The following ARHGEF28 variants were observed in gnomAD, a reference collection of about 807,000 sequenced individuals.
ARHGEF28 encodes the protein Rho guanine nucleotide exchange factor 28, also known as 190 kDa guanine nucleotide exchange factor.
In ARHGEF28, 152 loss-of-function variants were observed where a neutral mutation model predicts 206.6. That is an observed-to-expected ratio of 0.74 (90% CI 0.64 to 0.84). The LOEUF is 0.84. ARHGEF28 is among the 40% of genes least tolerant of loss of function. The pLI, the probability that ARHGEF28 is intolerant of heterozygous loss-of-function variation, is 0.00. For synonymous variants in ARHGEF28, 763 were observed against 776.4 expected (o/e 0.98, Z 0.29); for missense variants, 2,028 against 2,073.2 (o/e 0.98, Z 0.42).
intron 6 of ARHGEF28, 117 bp downstream of exon 6, chr5:73,776,813 G>T: frequency 2.3e-6 from 2 of 884,078 alleles, no homozygotes; most frequent in South Asian, 5.8e-5. Flanking sequence ...TGAAACCTTG[G>T]GGGACATGAA....
intron 35 of ARHGEF28, among the ~76,000 whole-genome samples, chr5:73,935,983 T>C (rs1231102485): frequency 6.6e-6 from 1 of 152,132 alleles, no homozygotes; most frequent in East Asian, 1.9e-4. Context: ...GGCCATGGGG[T>C]GCACTGGTGA....
chr5:73,837,832 C>G (rs981206397), intron 10 of ARHGEF28, among the ~76,000 whole-genome samples: 2 of 151,864 alleles, frequency 1.3e-5, no homozygotes, highest in African/African-American at 2.4e-5. Flanking sequence ...ATCTCCACCC[C>G]CCAGGCTCAA....
intron 4 of ARHGEF28, among the ~76,000 whole-genome samples, chr5:73,764,356 T>G (rs1391163845): frequency 6.6e-6 from 1 of 152,226 alleles, no homozygotes; most frequent in Non-Finnish European, 1.5e-5. Flanking sequence ...AATGTGAAGG[T>G]CAAAAATTGA....
rs1755725556 is a variant in ARHGEF28, at chr5:73,809,669, G to T, written c.1024+14278G>T. 3.3e-5 allele frequency among the ~76,000 whole-genome samples: 5 copies of T among 152,188 alleles called. No individual in the cohort carries two copies. In the South Asian group the frequency reaches 1.0e-3, roughly 32 times the overall value. On this transcript the variant is annotated intron_variant, in intron 9 of 35. Coordinates refer to ENST00000513042, the MANE Select transcript of ARHGEF28 (RefSeq NM_001177693.2). ...AAAGGCAGGTTAATGTCTAAATGAA[G>T]ATCAAGGAAAGTTTCCTTTCTGTGT...
At chr5:73,630,770 C>A (rs1049165289) in intron 1 of ARHGEF28, among the ~76,000 whole-genome samples, 1 of 152,196 alleles carries the variant, frequency 6.6e-6, no homozygotes, top group Admixed American at 6.5e-5. Context: ...CCTCTAAGAG[C>A]AACCCATTTT....
At chr5:73,660,290 AT>A (rs1745508855) in intron 1 of ARHGEF28, among the ~76,000 whole-genome samples, 1 of 152,198 alleles carries the variant, frequency 6.6e-6, no homozygotes, top group African/African-American at 2.4e-5. Flanking sequence ...AAGTTTGATC[AT>A]GAGATTGCAG....
chr5:73,739,292 A>C (rs752780634), intron 2 of ARHGEF28, among the ~76,000 whole-genome samples: 3 of 152,252 alleles, frequency 2.0e-5, no homozygotes, highest in Non-Finnish European at 4.4e-5. Flanking sequence ...AATTTGGTAA[A>C]TAATAAATTT....
rs1031257770 is a variant in ARHGEF28 at position 73,941,303 on chromosome 5, A to T, written c.*290A>T. The T allele has an allele frequency of 7.6e-5, 13 of 170,576 alleles. No individual in the cohort carries two copies. Among genetic ancestry groups the T allele is most frequent in the African/African-American group, 2.6e-4 (11 of 41,984 alleles). The allele number at this position is 170,576 out of a possible 1,614,324, so 10.6% of individuals were successfully genotyped here. On this transcript the variant is annotated 3_prime_UTR_variant, in exon 36 of 36. Coordinates refer to ENST00000513042, the MANE Select transcript of ARHGEF28 (RefSeq NM_001177693.2). ...TGTTTTGACGCTAGAGTAAAATTCC[A>T]TGTCACATTTTCTACCCAATCATCT...
rs60086897 is a variant in ARHGEF28 at position 73,910,381 on chromosome 5, C to CAAAAA, written c.4647+505_4647+509dup. Among the ~76,000 whole-genome samples the CAAAAA allele has an allele frequency of 9.1e-3, 282 of 30,886 alleles. 15 individuals are homozygous for CAAAAA. The highest frequency in any genetic ancestry group is 0.024 in the East Asian group (16 of 670). 20.3% of individuals were successfully genotyped at this position (30,886 alleles called of 152,430 possible). On this transcript the variant is annotated intron_variant, in intron 34 of 35. Transcript: ENST00000513042. ...GGGTGACAAAAGTAAAACACCATCT[C>CAAAAA]AAAAAAAAAAAAAAAAAAAAAAAAA...
At chr5:73,636,104 T>C (rs952099063) in intron 1 of ARHGEF28, among the ~76,000 whole-genome samples, 2 of 152,216 alleles carry the variant, frequency 1.3e-5, no homozygotes, top group Admixed American at 1.3e-4. Flanking sequence ...GAAATTTGTT[T>C]ATTATGAGAC....
chr5:73,885,808 T>C, intron 24 of ARHGEF28, 42 bp from the exon 25 acceptor site: 2 of 1,562,760 alleles, frequency 1.3e-6, no homozygotes, highest in Non-Finnish European at 1.7e-6. Context: ...CTCTGGTTTA[T>C]TGTATAGTAT....
intron 7 of ARHGEF28, among the ~76,000 whole-genome samples, chr5:73,788,812 A>G (rs1314777404): frequency 6.6e-6 from 1 of 152,200 alleles, no homozygotes; most frequent in Non-Finnish European, 1.5e-5. Context: ...TTAAGGATCA[A>G]CTGTATAATG....
At chr5:73,843,229 T>C (rs912400476) in intron 11 of ARHGEF28, among the ~76,000 whole-genome samples, 4 of 152,132 alleles carry the variant, frequency 2.6e-5, no homozygotes, top group African/African-American at 9.7e-5. Context: ...TAGAATATAA[T>C]TTAGACAAAA....
intron 16 of ARHGEF28, among the ~76,000 whole-genome samples, chr5:73,863,824 A>G (rs1160303953): frequency 1.3e-5 from 2 of 152,012 alleles, no homozygotes; most frequent in African/African-American, 4.8e-5. Flanking sequence ...TCTGATGCTT[A>G]TCAGCCGGGC....
intron 29 of ARHGEF28, among the ~76,000 whole-genome samples, chr5:73,896,715 T>C (rs557798884): frequency 1.3e-5 from 2 of 152,338 alleles, no homozygotes; most frequent in East Asian, 3.9e-4. Flanking sequence ...ACCTCCCTCA[T>C]TGTCTTTGAT....
chr5:73,860,175 G>GT (rs1256764498), intron 16 of ARHGEF28, among the ~76,000 whole-genome samples: 1 of 152,094 alleles, frequency 6.6e-6, no homozygotes, highest in Non-Finnish European at 1.5e-5. Flanking sequence ...TTGGGCACTT[G>GT]TTCATTTTTC....
chr5:73,869,518 T>A (rs1347287287), intron 20 of ARHGEF28, among the ~76,000 whole-genome samples: 1 of 152,182 alleles, frequency 6.6e-6, no homozygotes, highest in Non-Finnish European at 1.5e-5. Flanking sequence ...TCAAATGTCT[T>A]TTTTCCTCCA....
intron 9 of ARHGEF28, among the ~76,000 whole-genome samples, chr5:73,799,195 C>T (rs1372870967): frequency 6.6e-6 from 1 of 152,092 alleles, no homozygotes; most frequent in Non-Finnish European, 1.5e-5. Context: ...AATGTTGTGC[C>T]AAGGAGAAGG....
chr5:73,762,473 A>C (rs1189496751), intron 4 of ARHGEF28, among the ~76,000 whole-genome samples: 3 of 151,034 alleles, frequency 2.0e-5, no homozygotes, highest in Non-Finnish European at 1.5e-5. Flanking sequence ...AAAAAAAAAA[A>C]AACAAAACAA....
Sources: allele counts gnomAD v4.1 joint callset (sites outside exome capture counted in the v4.1 genomes callset), GRCh38; gene constraint gnomAD v4.1.1; transcripts MANE v1.5; gene names NCBI Gene and HGNC (gene_info 2026-07-23, HGNC 2026-07-21).